Variants in SH2D7 observed in about 807,000 individuals in gnomAD.
SH2D7 encodes SH2 domain containing 7, also known as SH2 domain-containing protein 7.
Under a neutral mutation model 40.8 loss-of-function variants are expected in SH2D7, and 32 were observed. That is an observed-to-expected ratio of 0.78 (90% CI 0.59 to 1.05). SH2D7 has a LOEUF of 1.05. Among genes scored for constraint, SH2D7 ranks in the 50% least tolerant of loss-of-function variants. SH2D7 has a pLI of 0.00. For missense variants in SH2D7, 559 were observed against 566.6 expected, an observed-to-expected ratio of 0.99 and a Z score of 0.14; for synonymous variants, 195 against 221.5, an observed-to-expected ratio of 0.88 and a Z score of 1.06.
upstream of SH2D7, among the ~76,000 whole-genome samples, chr15:78,092,164 A>G (rs2073943666): frequency 6.6e-6 from 1 of 152,216 alleles, no homozygotes. Context: ...CCATCAAAAT[A>G]AAAATAGCCT....
chr15:78,098,623 G>T (rs756767017), intron 4 of SH2D7, 27 bp downstream of exon 4: 34 of 1,603,558 alleles, frequency 2.1e-5, no homozygotes, highest in Non-Finnish European at 2.8e-5. Context: ...GCCACCTAGA[G>T]TCAGGGTTGC....
At chr15:78,102,060 T>A (rs1402304477) in intron 5 of SH2D7, among the ~76,000 whole-genome samples, 1 of 152,126 alleles carries the variant, frequency 6.6e-6, no homozygotes, top group Non-Finnish European at 1.5e-5. Flanking sequence ...GAGACCAGCC[T>A]GGGCAACATG....
chr15:78,098,098 G>T lies in SH2D7; in HGVS notation c.432+4G>T. 1 of 1,603,716 alleles carries T rather than the reference G, an allele frequency of 6.2e-7. No homozygotes were observed. Among genetic ancestry groups the T allele is most frequent in the African/African-American group, 1.3e-5 (1 of 74,822 alleles). On this transcript the variant is annotated splice_donor_region_variant and intron_variant, in intron 3 of 5. Transcript: ENST00000328828. ...GCTGACTGCTGCCTGCCCCCGGGTAGGCGCCCCACTTCCCCAGGGTGAGGG... is the reference window on the plus strand; with the variant it reads ...GCTGACTGCTGCCTGCCCCCGGGTATGCGCCCCACTTCCCCAGGGTGAGGG...
At chr15:78,099,466 A>G (rs989458710) in intron 4 of SH2D7, among the ~76,000 whole-genome samples, 1 of 145,096 alleles carries the variant, frequency 6.9e-6, no homozygotes, top group Non-Finnish European at 1.5e-5. Context: ...GGTGCACGCC[A>G]CCATGCCTGG....
In SH2D7 at chr15:78,098,387, G is replaced by A. The variant is rs1488163710; in HGVS notation, c.436G>A (p.Glu146Lys). 2 of 1,613,372 alleles carry A rather than the reference G, an allele frequency of 1.2e-6. No homozygotes were observed. Among genetic ancestry groups the A allele is most frequent in the South Asian group, 2.2e-5 (2 of 91,044 alleles). Residue 146 changes from glutamate (E) to lysine (K), a missense_variant, in exon 4 of 6, where the codon GAG becomes AAG. Coordinates refer to ENST00000328828, the MANE Select transcript of SH2D7 (RefSeq NM_001101404.2). Reference sequence around the variant, plus strand: ...TGCCGTATCCGCATGCTCCCAGCCAGAGGACAATGATCTGTATGATGCCAT... The same window carrying A: ...TGCCGTATCCGCATGCTCCCAGCCAAAGGACAATGATCTGTATGATGCCAT... Reference protein sequence around the residue: ...EMLTAACPRPEDNDLYDAITR... With the variant: ...EMLTAACPRPKDNDLYDAITR...
rs1338793772 is a variant in SH2D7 at position 78,097,959 on chromosome 15, C to T, written c.297C>T (p.Ile99=). Residue 99 remains isoleucine, a synonymous_variant, in exon 3 of 6, where the codon ATC becomes ATT. Coordinates refer to ENST00000328828, the MANE Select transcript of SH2D7 (RefSeq NM_001101404.2). ...GTGATCGCTGCCGACATTTTGTCATCAACCAGCTTCGAAACCGGCGTTACA... is the reference window on the plus strand; with the variant it reads ...GTGATCGCTGCCGACATTTTGTCATTAACCAGCTTCGAAACCGGCGTTACA... ...RGSDRCRHFV[I]NQLRNRRYII... is the part of the protein sequence containing the mutation. 1.2e-6 allele frequency: 2 copies of T among 1,606,048 alleles called. No homozygotes were observed. The highest frequency in any genetic ancestry group is 1.7e-6 in the Non-Finnish European group (2 of 1,176,570).
At chr15:78,103,328 A>T in intron 5 of SH2D7, 137 bp from the exon 6 acceptor site, 1 of 915,214 alleles carries the variant, frequency 1.1e-6, no homozygotes, top group Admixed American at 2.7e-5. Context: ...TTGTGGAATC[A>T]ACTATCAGAA....
intron 4 of SH2D7, among the ~76,000 whole-genome samples, chr15:78,099,100 G>A (rs182881935): frequency 3.3e-5 from 5 of 151,478 alleles, no homozygotes; most frequent in East Asian, 3.9e-4. Context: ...TGCAATCTCC[G>A]CCGTCTCCTG....
chr15:78,093,360 G>A (rs529463802), intron 1 of SH2D7, among the ~76,000 whole-genome samples: 2 of 152,202 alleles, frequency 1.3e-5, no homozygotes, highest in Non-Finnish European at 2.9e-5. Flanking sequence ...TTGGTTTAAT[G>A]CTCTGCTGTC....
At chr15:78,103,321 T>C in intron 5 of SH2D7, 144 bp from the exon 6 acceptor site, 1 of 860,976 alleles carries the variant, frequency 1.2e-6, no homozygotes, top group Non-Finnish European at 1.8e-6. Flanking sequence ...GAGAGGCTTG[T>C]GGAATCAACT....
intron 2 of SH2D7, 140 bp from the exon 3 acceptor site, chr15:78,097,789 A>G (rs1348916403): frequency 1.9e-6 from 2 of 1,031,606 alleles, no homozygotes; most frequent in South Asian, 1.7e-5. Flanking sequence ...AGTGGGGTAC[A>G]GTGGCCCCAG....
intron 5 of SH2D7, among the ~76,000 whole-genome samples, chr15:78,102,546 G>GGTGGTA (rs2074024520): frequency 6.6e-6 from 1 of 152,036 alleles, no homozygotes; most frequent in Admixed American, 6.5e-5. Context: ...GGGTGGTGGT[G>GGTGGTA]GTGGTAGTGG....
intron 5 of SH2D7, 108 bp downstream of exon 5, chr15:78,101,666 C>T: frequency 7.7e-7 from 1 of 1,295,874 alleles, no homozygotes; most frequent in Non-Finnish European, 1.0e-6. Context: ...CCGCCACTGC[C>T]TGGAAGTACA....
intron 1 of SH2D7, 143 bp downstream of exon 1, chr15:78,092,903 A>C (rs2073948532): frequency 9.0e-7 from 1 of 1,109,986 alleles, no homozygotes; most frequent in Admixed American, 2.9e-5. Flanking sequence ...GCAGGGGAAC[A>C]GACTGAGGAG....
At chr15:78,098,320 G>A in intron 3 of SH2D7, 64 bp from the exon 4 acceptor site, 1 of 1,573,760 alleles carries the variant, frequency 6.4e-7, no homozygotes, top group Non-Finnish European at 8.7e-7. Context: ...GCAGTCTCAG[G>A]CAGGCAGCTG....
intron 4 of SH2D7, 91 bp downstream of exon 4, chr15:78,098,687 C>T: frequency 7.1e-7 from 1 of 1,412,860 alleles, no homozygotes; most frequent in Non-Finnish European, 9.7e-7. Flanking sequence ...GCCAGGCCAG[C>T]CACTCCCTCC....
At chr15:78,094,893 C>G (rs574064010) in intron 2 of SH2D7, among the ~76,000 whole-genome samples, 1 of 152,058 alleles carries the variant, frequency 6.6e-6, no homozygotes, top group South Asian at 2.1e-4. Context: ...GACAAGGTAG[C>G]GAGGACAAAG....
intron 5 of SH2D7, among the ~76,000 whole-genome samples, chr15:78,102,941 C>G (rs2074027014): frequency 2.0e-5 from 3 of 152,164 alleles, no homozygotes; most frequent in African/African-American, 7.2e-5. Context: ...CTGACGGCTC[C>G]TCCCTCAGGG....
Position 78,098,588 on chromosome 15 carries a change from A to G in SH2D7, c.637A>G (p.Ser213Gly). ...TCCCCGGAACCTCTCCCAGGAGGAAAGCATGGAGGTGAGGAGCATTATGGG... is the reference window on the plus strand; with the variant it reads ...TCCCCGGAACCTCTCCCAGGAGGAAGGCATGGAGGTGAGGAGCATTATGGG... Reference protein sequence around the residue: ...VSPRNLSQEESMEAPIRVSPL... With the variant: ...VSPRNLSQEEGMEAPIRVSPL... Residue 213 changes from serine to glycine, a missense_variant, in exon 4 of 6, where the codon AGC becomes GGC. By Grantham distance (56) the Ser-to-Gly change is moderately conservative. Coordinates refer to ENST00000328828, the MANE Select transcript of SH2D7 (RefSeq NM_001101404.2). 1.2e-6 allele frequency: 2 copies of G among 1,613,614 alleles called. No individual in the cohort carries two copies. Among genetic ancestry groups the G allele is most frequent in the South Asian group, 2.2e-5 (2 of 90,918 alleles).
Sources: gnomAD v4.1 joint callset for allele counts (sites outside exome capture counted in the v4.1 genomes callset) on GRCh38, gnomAD v4.1.1 for gene constraint, MANE v1.5 for transcripts, NCBI Gene and HGNC (gene_info 2026-07-23, HGNC 2026-07-21) for gene names.